The following VAV3 variants were observed in gnomAD, a reference collection of about 807,000 sequenced individuals.
VAV3 encodes the protein vav guanine nucleotide exchange factor 3.
A neutral mutation model predicts 131.2 loss-of-function variants in VAV3; 94 were observed. That is an observed-to-expected ratio of 0.72 (90% CI 0.61 to 0.85). The LOEUF (loss-of-function observed/expected upper bound fraction) is 0.85, where lower values mean the gene tolerates loss of function less well. VAV3 is among the 40% of genes least tolerant of loss of function. The probability of loss-of-function intolerance (pLI) is 0.00; values close to 1 mark genes in which losing one functional copy is unlikely to be tolerated. For synonymous variants in VAV3, 349 were observed against 342.0 expected, an observed-to-expected ratio of 1.02 and a Z score of -0.22; for missense variants, 939 against 1,002.7, an observed-to-expected ratio of 0.94 and a Z score of 0.86.
chr1:107,601,841 T>C (rs1651889692), intron 24 of VAV3, among the ~76,000 whole-genome samples: 1 of 152,190 alleles, frequency 6.6e-6, no homozygotes, highest in Non-Finnish European at 1.5e-5. Flanking sequence ...TATTTCCATT[T>C]AAATATACAA....
At chr1:107,602,367 C>A in intron 24 of VAV3, 30 bp downstream of exon 24, 3 of 1,437,198 alleles carry the variant, frequency 2.1e-6, no homozygotes, top group East Asian at 2.6e-5. Flanking sequence ...AATAAGGATC[C>A]CAGATTGAAA....
rs11331254 is a variant in VAV3 at position 107,625,254 on chromosome 1, CTTT to C, written c.1915-7625_1915-7623del. Among the ~76,000 whole-genome samples the C allele has an allele frequency of 1.2e-3, 144 of 124,364 alleles. 1 individual carries two copies. The highest frequency in any genetic ancestry group is 3.8e-3 in the African/African-American group (133 of 35,254). 81.6% of individuals were successfully genotyped at this position (124,364 alleles called of 152,430 possible). A position where few individuals can be genotyped will look rare whatever the true frequency, so the allele number is the denominator to read the frequency against. On this transcript the variant is annotated intron_variant, in intron 20 of 26. Coordinates refer to ENST00000370056, the MANE Select transcript of VAV3 (RefSeq NM_006113.5). The stretch of plus-strand genomic sequence containing the variant: ...GGATGATGTGTGTCAGTAATTTAAT[CTTT>C]TTTTTTTTTTTTTCTTTTTGGGACG...
rs138946199 is a variant in VAV3, at chr1:107,585,290, C to T, written c.2350+10922G>A. 9.6e-4 allele frequency among the ~76,000 whole-genome samples: 146 copies of T among 152,272 alleles called. 1 individual carries two copies. The highest frequency in any genetic ancestry group is 3.4e-3 in the African/African-American group (142 of 41,556). On this transcript the variant is annotated intron_variant, in intron 25 of 26. Coordinates refer to ENST00000370056, the MANE Select transcript of VAV3 (RefSeq NM_006113.5). Reference sequence around the variant, plus strand: ...GCTACGTGCTGTTCCAGGCCACTATCATCTCTTACCTTGATTGCTGTATGG... The same window carrying T: ...GCTACGTGCTGTTCCAGGCCACTATTATCTCTTACCTTGATTGCTGTATGG...
intron 20 of VAV3, among the ~76,000 whole-genome samples, chr1:107,628,074 G>A (rs575747234): frequency 3.3e-5 from 5 of 151,916 alleles, no homozygotes; most frequent in African/African-American, 7.2e-5. Context: ...CTGAGAAGAC[G>A]TCAGAAAAGG....
intron 17 of VAV3, 193 bp from the exon 18 acceptor site, chr1:107,688,599 G>C (rs977622321): frequency 7.1e-7 from 1 of 1,416,458 alleles, no homozygotes; most frequent in East Asian, 2.6e-5. Context: ...CTATTGGCTT[G>C]TCAGGAAAGT....
At chr1:107,746,817 T>C (rs1663375132) in intron 15 of VAV3, among the ~76,000 whole-genome samples, 1 of 152,036 alleles carries the variant, frequency 6.6e-6, no homozygotes, top group African/African-American at 2.4e-5. Flanking sequence ...TATCTCAGAC[T>C]ACAAGGTAAC....
At chr1:107,658,359 T>C (rs1430429030) in intron 19 of VAV3, among the ~76,000 whole-genome samples, 1 of 152,186 alleles carries the variant, frequency 6.6e-6, no homozygotes, top group Non-Finnish European at 1.5e-5. Flanking sequence ...TGTTGGACAT[T>C]TGGGTGGGTT....
chr1:107,586,987 T>A (rs1445764519), intron 25 of VAV3, among the ~76,000 whole-genome samples: 3 of 152,084 alleles, frequency 2.0e-5, no homozygotes, highest in Non-Finnish European at 2.9e-5. Context: ...CAAAGCCTGA[T>A]GATGACTTCT....
intron 9 of VAV3, 123 bp downstream of exon 9, chr1:107,764,953 T>G (rs1346108656): frequency 4.7e-6 from 3 of 639,230 alleles, no homozygotes; most frequent in Non-Finnish European, 8.0e-6. Flanking sequence ...AAATATTTTA[T>G]AAAATTGACA....
At position 107,861,099 on chromosome 1, in the gene VAV3, T is replaced by C. The variant is rs1002463647; in HGVS notation, c.321+13802A>G. On this transcript the variant is annotated intron_variant, in intron 2 of 26. Coordinates refer to ENST00000370056, the MANE Select transcript of VAV3 (RefSeq NM_006113.5). ...ACTGTTGCTACTTAAGAAATTTCTG[T>C]TACATCTCTAGGAATTGTTCAAATA... Among the ~76,000 whole-genome samples, 7 of 151,668 alleles carry C rather than the reference T, an allele frequency of 4.6e-5. No individual in the cohort carries two copies. In the South Asian group the frequency reaches 8.4e-4, roughly 18 times the overall value.
At chr1:107,574,258 C>A in intron 25 of VAV3, 60 bp from the exon 26 acceptor site, 3 of 1,575,604 alleles carry the variant, frequency 1.9e-6, no homozygotes, top group Middle Eastern at 3.4e-4. Flanking sequence ...CCATAACAAC[C>A]TAATCAGATG....
At position 107,775,393 on chromosome 1, in the gene VAV3, C is replaced by T. The variant is rs1665295003; in HGVS notation, c.446+1838G>A. On this transcript the variant is annotated intron_variant, in intron 4 of 26. Transcript: ENST00000370056. ...CAGGAGTTCGAGACCATCCTGGCTA[C>T]CACAGTGAAACCCTGTCTCTACTAA... is the stretch of plus-strand genomic sequence containing the variant. 2.6e-5 allele frequency among the ~76,000 whole-genome samples: 4 copies of T among 151,734 alleles called. No individual in the cohort carries two copies. In the South Asian group the frequency reaches 8.3e-4, roughly 32 times the overall value.
At chr1:107,674,771 C>G (rs1161430796) in intron 19 of VAV3, among the ~76,000 whole-genome samples, 1 of 152,116 alleles carries the variant, frequency 6.6e-6, no homozygotes, top group African/African-American at 2.4e-5. Flanking sequence ...TGTGGGTAGC[C>G]AAAAGAATAT....
intron 19 of VAV3, among the ~76,000 whole-genome samples, chr1:107,646,231 A>T (rs550844358): frequency 2.0e-5 from 3 of 152,194 alleles, no homozygotes; most frequent in South Asian, 4.1e-4. Context: ...CATATTCCTT[A>T]AAAAATGACA....
At chr1:107,620,139 ATC>A (rs1260667992) in intron 20 of VAV3, among the ~76,000 whole-genome samples, 2 of 152,164 alleles carry the variant, frequency 1.3e-5, no homozygotes, top group African/African-American at 2.4e-5. Context: ...ATAAGGGATA[ATC>A]TCTCAGTCAT....
chr1:107,612,373 T>A (rs1459441804), intron 21 of VAV3, among the ~76,000 whole-genome samples: 1 of 152,072 alleles, frequency 6.6e-6, no homozygotes, highest in Non-Finnish European at 1.5e-5. Flanking sequence ...TTTTAACATA[T>A]TCTTATTGTT....
chr1:107,615,085 A>T (rs1471149579), intron 21 of VAV3, among the ~76,000 whole-genome samples: 1 of 152,150 alleles, frequency 6.6e-6, no homozygotes, highest in Non-Finnish European at 1.5e-5. Context: ...ATAATCTTTC[A>T]AGACTGTAAT....
intron 15 of VAV3, among the ~76,000 whole-genome samples, chr1:107,721,641 T>C (rs1427907611): frequency 6.6e-6 from 1 of 152,154 alleles, no homozygotes; most frequent in Non-Finnish European, 1.5e-5. Context: ...AGAAGTTTGT[T>C]TCTCTCCACA....
chr1:107,729,645 T>A (rs956308109), intron 15 of VAV3, among the ~76,000 whole-genome samples: 1 of 152,210 alleles, frequency 6.6e-6, no homozygotes, highest in African/African-American at 2.4e-5. Context: ...AATTTTCTCA[T>A]TTGCTAAAAC....
Sources: gnomAD v4.1 joint callset for allele counts (sites outside exome capture counted in the v4.1 genomes callset) on GRCh38, gnomAD v4.1.1 for gene constraint, MANE v1.5 for transcripts, NCBI Gene and HGNC (gene_info 2026-07-23, HGNC 2026-07-21) for gene names.